Variants in FABP6 observed in about 807,000 individuals in gnomAD.
FABP6 encodes the protein gastrotropin.
In FABP6, 13 loss-of-function variants were observed where a neutral mutation model predicts 14.9. That is an observed-to-expected ratio of 0.87 (90% CI 0.57 to 1.39). FABP6 has a LOEUF of 1.39. Ranked by LOEUF, FABP6 falls within the 40% of genes most tolerant of loss-of-function variation. The probability of loss-of-function intolerance (pLI) is 0.00; values close to 1 mark genes in which losing one functional copy is unlikely to be tolerated. For synonymous variants in FABP6, 75 were observed against 63.6 expected, an observed-to-expected ratio of 1.18 and a Z score of -0.85; for missense variants, 161 against 167.2, an observed-to-expected ratio of 0.96 and a Z score of 0.20.
intron 1 of FABP6, among the ~76,000 whole-genome samples, chr5:160,188,640 C>T (rs899425893): frequency 6.6e-6 from 1 of 152,238 alleles, no homozygotes; most frequent in African/African-American, 2.4e-5. Flanking sequence ...CTGCGACCCC[C>T]GACTTTGGCC....
At chr5:160,213,586 T>C in intron 2 of FABP6, 2 of 674,296 alleles carry the variant, frequency 3.0e-6, no homozygotes, top group Admixed American at 2.4e-5. Context: ...ATCCTTTTGA[T>C]AAATTTCTTT....
At chr5:160,188,358 A>G (rs1759329449) in intron 1 of FABP6, among the ~76,000 whole-genome samples, 1 of 152,072 alleles carries the variant, frequency 6.6e-6, no homozygotes, top group Admixed American at 6.6e-5. Context: ...GAAACGAAAA[A>G]AACATTAGCA....
intron 1 of FABP6, among the ~76,000 whole-genome samples, chr5:160,191,131 T>C (rs914904769): frequency 2.7e-5 from 4 of 146,912 alleles, no homozygotes; most frequent in Admixed American, 6.9e-5. Flanking sequence ...GCCACATCCC[T>C]GCCTAGAGGC....
chr5:160,189,045 T>TGAC (rs554180491), intron 1 of FABP6, among the ~76,000 whole-genome samples: 125 of 152,238 alleles, frequency 8.2e-4, no homozygotes, highest in African/African-American at 2.9e-3. Flanking sequence ...TGCACCCTTT[T>TGAC]CCTATAAAGG....
rs772708229 is a variant in FABP6, at chr5:160,232,109, G to A, written c.79G>A (p.Asp27Asn). ...EFMKLLGISS[D>N]VIEKARNFKI... ...GTCCCCGGGTCCAGGGATCTCCAGCGATGTAATCGAAAAGGCCCGCAACTT... is the reference window on the plus strand; with the variant it reads ...GTCCCCGGGTCCAGGGATCTCCAGCAATGTAATCGAAAAGGCCCGCAACTT... Residue 27 changes from aspartate (D) to asparagine (N), a missense_variant, in exon 2 of 4, where the codon GAT (aspartate) becomes AAT (asparagine). Physicochemically the swap from Asp to Asn is conservative, Grantham distance 23 (BLOSUM62 1). Transcript: ENST00000402432. 1.1e-5 allele frequency: 18 copies of A among 1,613,812 alleles called. No homozygotes were observed. Among genetic ancestry groups the A allele is most frequent in the African/African-American group, 4.0e-5 (3 of 74,876 alleles).
chr5:160,211,294 G>A (rs6887804), intron 2 of FABP6, among the ~76,000 whole-genome samples: 92,938 of 151,798 alleles, frequency 0.61, 28,664 homozygotes, highest in African/African-American at 0.64. Flanking sequence ...AGCCTCCACT[G>A]GCCTCACCCA....
At chr5:160,194,003 C>T (rs575974842) in intron 1 of FABP6, among the ~76,000 whole-genome samples, 5 of 152,254 alleles carry the variant, frequency 3.3e-5, no homozygotes, top group Admixed American at 6.5e-5. Context: ...CGGGGGAAGG[C>T]TCCTGCATGG....
At chr5:160,197,954 A>ATG (rs1554111886) in intron 1 of FABP6, 22,562 of 100,142 alleles carry the variant, frequency 0.23, 1,808 homozygotes, top group Middle Eastern at 0.25. Context: ...GTGTGTGTGT[A>ATG]TGTGTGTGTG....
At chr5:160,221,620 A>G (rs1307169123) in intron 3 of FABP6, among the ~76,000 whole-genome samples, 1 of 152,056 alleles carries the variant, frequency 6.6e-6, no homozygotes, top group Non-Finnish European at 1.5e-5. Context: ...TGAATTTTTC[A>G]TTGTTTCTCA....
rs978530108 is a variant in FABP6, at chr5:160,232,285, C to T, written c.243+12C>T. 1 of 1,586,604 alleles carries T rather than the reference C, an allele frequency of 6.3e-7. No individual in the cohort carries two copies. Among genetic ancestry groups the T allele is most frequent in the Non-Finnish European group, 8.6e-7 (1 of 1,164,568 alleles). On this transcript the variant is annotated intron_variant, in intron 2 of 3. Coordinates refer to ENST00000402432, the MANE Select transcript of FABP6 (RefSeq NM_001445.3). ...GCAAGACGTTCAAGGTGAGAGGCCACTGGCTGTCCCCCTCCTTCCCCAGGC... is the reference window on the plus strand; with the variant it reads ...GCAAGACGTTCAAGGTGAGAGGCCATTGGCTGTCCCCCTCCTTCCCCAGGC...
chr5:160,232,028 A>G, intron 1 of FABP6, 70 bp from the exon 2 acceptor site: 1 of 1,557,634 alleles, frequency 6.4e-7, no homozygotes, highest in Non-Finnish European at 8.7e-7. Context: ...GTGGGCAGGA[A>G]AGCTCTTTTC....
At chr5:160,226,856 C>A (rs373597847), upstream of FABP6, among the ~76,000 whole-genome samples, 111 of 152,252 alleles carry the variant, frequency 7.3e-4, 1 homozygote, top group African/African-American at 2.6e-3. Context: ...GGAGTGTAAA[C>A]TGCTATAGCT....
intron 1 of FABP6, among the ~76,000 whole-genome samples, chr5:160,231,471 G>A (rs1760381483): frequency 6.6e-6 from 1 of 152,206 alleles, no homozygotes; most frequent in South Asian, 2.1e-4. Context: ...CCAGCTCACT[G>A]CAACCTCTGC....
chr5:160,195,418 T>C (rs753564067), intron 1 of FABP6, among the ~76,000 whole-genome samples: 5 of 152,032 alleles, frequency 3.3e-5, no homozygotes, highest in Non-Finnish European at 7.4e-5. Context: ...CACTGCCTCA[T>C]TCAGGGCTCT....
intron 3 of FABP6, among the ~76,000 whole-genome samples, chr5:160,216,859 T>G (rs924539173): frequency 1.1e-4 from 16 of 152,192 alleles, no homozygotes; most frequent in Non-Finnish European, 8.8e-5. Context: ...GGTCATTCAC[T>G]AAGTACCAAA....
intron 3 of FABP6, among the ~76,000 whole-genome samples, chr5:160,223,719 GC>G (rs1760183918): frequency 2.6e-5 from 4 of 151,450 alleles, no homozygotes; most frequent in Non-Finnish European, 4.4e-5. Flanking sequence ...GAGCTGCTGT[GC>G]CCTGCCAAAA....
chr5:160,192,332 A>ATTC (rs1759411853), intron 1 of FABP6, among the ~76,000 whole-genome samples: 1 of 23,944 alleles, frequency 4.2e-5, no homozygotes, highest in Non-Finnish European at 9.5e-5. Context: ...CGGCCTCGCC[A>ATTC]GTCTTATCCC....
upstream of FABP6, chr5:160,228,747 C>T (rs1048985631): frequency 6.1e-6 from 2 of 327,612 alleles, no homozygotes; most frequent in Admixed American, 3.8e-5. Flanking sequence ...TTATCTGCAC[C>T]CTTAGGAGCA....
intron 2 of FABP6, among the ~76,000 whole-genome samples, chr5:160,199,825 G>A (rs1272273215): frequency 6.6e-6 from 1 of 152,176 alleles, no homozygotes; most frequent in Non-Finnish European, 1.5e-5. Context: ...CCCCGCACCA[G>A]CCCAGAGCAA....
Sources: allele counts gnomAD v4.1 joint callset (sites outside exome capture counted in the v4.1 genomes callset), GRCh38; gene constraint gnomAD v4.1.1; transcripts MANE v1.5; gene names NCBI Gene and HGNC (gene_info 2026-07-23, HGNC 2026-07-21).